The following CDH12 variants were observed in gnomAD, a reference collection of about 807,000 sequenced individuals.
CDH12 encodes cadherin 12.
In CDH12, 41 loss-of-function variants were observed where a neutral mutation model predicts 74.1. The observed-to-expected ratio is 0.55, with a 90% CI of 0.43 to 0.72. The LOEUF (loss-of-function observed/expected upper bound fraction) is 0.72. Among genes scored for constraint, CDH12 ranks in the 30% least tolerant of loss-of-function variants. CDH12 has a pLI of 0.00. For synonymous variants in CDH12, 399 were observed against 355.0 expected (o/e 1.12, Z -1.39); for missense variants, 945 against 977.2 (o/e 0.97, Z 0.44).
chr5:22,815,319 G>A (rs780858979), intron 1 of CDH12, among the ~76,000 whole-genome samples: 12 of 152,120 alleles, frequency 7.9e-5, no homozygotes, highest in African/African-American at 1.2e-4. Flanking sequence ...TCTATTACCC[G>A]AGAGGCATGG....
At chr5:21,985,540 T>C (rs919627165) in intron 5 of CDH12, among the ~76,000 whole-genome samples, 4 of 152,158 alleles carry the variant, frequency 2.6e-5, no homozygotes, top group African/African-American at 7.2e-5. Context: ...TAGTAGTTAG[T>C]GATTGAGATT....
intron 1 of CDH12, among the ~76,000 whole-genome samples, chr5:22,804,069 A>G (rs1056905265): frequency 1.3e-5 from 2 of 152,210 alleles, no homozygotes; most frequent in Non-Finnish European, 2.9e-5. Flanking sequence ...GAAATGTATT[A>G]AAGAATAGAA....
intron 1 of CDH12, among the ~76,000 whole-genome samples, chr5:22,568,568 T>C (rs1186050116): frequency 1.3e-5 from 2 of 152,288 alleles, no homozygotes; most frequent in East Asian, 3.9e-4. Context: ...GAATGACGTA[T>C]ATATATGAAA....
intron 1 of CDH12, among the ~76,000 whole-genome samples, chr5:22,544,001 AT>A (rs1450244685): frequency 6.6e-6 from 1 of 152,144 alleles, no homozygotes; most frequent in Non-Finnish European, 1.5e-5. Flanking sequence ...TTAGTCAAAA[AT>A]CAAAGAATTA....
intron 1 of CDH12, among the ~76,000 whole-genome samples, chr5:22,778,527 G>A (rs1747222296): frequency 1.3e-5 from 2 of 152,166 alleles, no homozygotes; most frequent in South Asian, 4.2e-4. Flanking sequence ...AACAAACTAT[G>A]AGAACTAATA....
intron 6 of CDH12, among the ~76,000 whole-genome samples, chr5:21,934,872 C>T (rs1755005152): frequency 6.6e-6 from 1 of 152,042 alleles, no homozygotes; most frequent in Non-Finnish European, 1.5e-5. Context: ...TTGCAAGCTC[C>T]GCCTCCCTAG....
intron 3 of CDH12, among the ~76,000 whole-genome samples, chr5:22,301,101 T>A (rs2150419764): frequency 6.6e-6 from 1 of 152,264 alleles, no homozygotes; most frequent in Non-Finnish European, 1.5e-5. Flanking sequence ...GTCCTTTATT[T>A]TAGAGACTAA....
At chr5:22,492,522 T>A (rs1349267048) in intron 2 of CDH12, among the ~76,000 whole-genome samples, 2 of 151,940 alleles carry the variant, frequency 1.3e-5, no homozygotes, top group Non-Finnish European at 2.9e-5. Context: ...TAATTTTGTA[T>A]TTTTAGTAGA....
chr5:22,088,546 A>G (rs926583841), intron 4 of CDH12, among the ~76,000 whole-genome samples: 3 of 152,158 alleles, frequency 2.0e-5, no homozygotes, highest in Non-Finnish European at 2.9e-5. Flanking sequence ...GTATCACTAC[A>G]GGGTATGAGG....
At chr5:21,861,720 A>T (rs1751053027) in intron 6 of CDH12, among the ~76,000 whole-genome samples, 1 of 152,136 alleles carries the variant, frequency 6.6e-6, no homozygotes, top group South Asian at 2.1e-4. Flanking sequence ...GCTGGATCAA[A>T]AAGCATATAG....
At chr5:22,044,855 CAG>C (rs1182947512) in intron 5 of CDH12, among the ~76,000 whole-genome samples, 1 of 152,018 alleles carries the variant, frequency 6.6e-6, no homozygotes, top group Non-Finnish European at 1.5e-5. Flanking sequence ...TAGAAGAAAA[CAG>C]GGGAAATGCT....
intron 1 of CDH12, among the ~76,000 whole-genome samples, chr5:22,660,420 A>G (rs914708210): frequency 1.3e-5 from 2 of 152,208 alleles, no homozygotes; most frequent in Non-Finnish European, 2.9e-5. Flanking sequence ...ACTGACAATA[A>G]TTACTACGTT....
At chr5:21,933,898 CAGAT>C (rs199704206) in intron 6 of CDH12, among the ~76,000 whole-genome samples, 1,829 of 152,232 alleles carry the variant, frequency 0.012, 16 homozygotes, top group Non-Finnish European at 0.018. Flanking sequence ...CTTTTGTAAT[CAGAT>C]AGAAGATAAA....
intron 6 of CDH12, among the ~76,000 whole-genome samples, chr5:21,960,067 G>C (rs1246450840): frequency 2.0e-5 from 3 of 151,746 alleles, no homozygotes; most frequent in African/African-American, 7.3e-5. Flanking sequence ...AGAGTACAAA[G>C]AGGCTCCCAC....
At chr5:22,403,937 T>C (rs1742834703) in intron 3 of CDH12, among the ~76,000 whole-genome samples, 1 of 152,256 alleles carries the variant, frequency 6.6e-6, no homozygotes, top group South Asian at 2.1e-4. Flanking sequence ...CAGTAAGATA[T>C]AATATTTGAC....
chr5:22,430,659 C>T (rs1744132231), intron 2 of CDH12, among the ~76,000 whole-genome samples: 1 of 152,022 alleles, frequency 6.6e-6, no homozygotes, highest in Non-Finnish European at 1.5e-5. Flanking sequence ...AGGTATACTG[C>T]AACAAATTGT....
chr5:22,603,551 G>A (rs566763063), intron 1 of CDH12, among the ~76,000 whole-genome samples: 1 of 152,162 alleles, frequency 6.6e-6, no homozygotes, highest in South Asian at 2.1e-4. Flanking sequence ...ATAAGACGTG[G>A]CAGTAATGAA....
intron 3 of CDH12, among the ~76,000 whole-genome samples, chr5:22,337,042 T>G (rs1302425293): frequency 6.6e-6 from 1 of 152,198 alleles, no homozygotes; most frequent in Non-Finnish European, 1.5e-5. Flanking sequence ...GTGACCTGAA[T>G]GGGAGACACA....
Position 22,778,351 on chromosome 5 carries a change from T to C in CDH12, c.-523+74707A>G, listed in dbSNP as rs181715188. ...GGCCTTTCCCATGGGGAATTTCTCT[T>C]CATAGTAAGGAAGAAAGAAAATCTA... On this transcript the variant is annotated intron_variant, in intron 1 of 14. Transcript: ENST00000382254. 4.1e-3 allele frequency among the ~76,000 whole-genome samples: 619 copies of C among 152,216 alleles called. 6 individuals carry two copies. Among genetic ancestry groups the C allele is most frequent in the African/African-American group, 0.014 (578 of 41,542 alleles).
Sources: gnomAD v4.1 joint callset for allele counts (sites outside exome capture counted in the v4.1 genomes callset) on GRCh38, gnomAD v4.1.1 for gene constraint, MANE v1.5 for transcripts, NCBI Gene and HGNC (gene_info 2026-07-23, HGNC 2026-07-21) for gene names.